ADRM1: variants seen among roughly 807,000 people sequenced by gnomAD.
ADRM1 encodes proteasomal ubiquitin receptor ADRM1.
In ADRM1, 2 loss-of-function variants were observed where a neutral mutation model predicts 40.1. The observed-to-expected ratio is 0.05, with a 90% CI of 0.02 to 0.16. The LOEUF is 0.16. ADRM1 is among the 10% of genes least tolerant of loss of function. The pLI is 1.00. For missense variants in ADRM1, 467 were observed against 552.5 expected, an observed-to-expected ratio of 0.85 and a Z score of 1.55; for synonymous variants, 287 against 240.4, an observed-to-expected ratio of 1.19 and a Z score of -1.79.
At chr20:62,303,908 C>G in intron 2 of ADRM1, 127 bp downstream of exon 2, 4 of 892,262 alleles carry the variant, frequency 4.5e-6, no homozygotes, top group Non-Finnish European at 6.8e-6. Context: ...ATCGACTGCC[C>G]TGCTGATGGG....
At chr20:62,303,268 G>A in intron 1 of ADRM1, 1 of 243,074 alleles carries the variant, frequency 4.1e-6, no homozygotes, top group Non-Finnish European at 7.9e-6. Flanking sequence ...GCTCGGGCGG[G>A]TCTGCCCCGC....
At chr20:62,303,505 G>A in intron 1 of ADRM1, 63 bp from the exon 2 acceptor site, 1 of 1,502,744 alleles carries the variant, frequency 6.7e-7, no homozygotes, top group Non-Finnish European at 8.9e-7. Context: ...CCAGGGGGCG[G>A]GAGCTTGCCG....
In ADRM1 at chr20:62,307,950, C is replaced by A. The variant is rs894993201; in HGVS notation, c.857-71C>A. The A allele has an allele frequency of 4.2e-5, 66 of 1,565,012 alleles. No homozygotes were observed. The Middle Eastern group carries it at 5.1e-4, about 12-fold the overall frequency. ...GGGGTGCTGGGGCCATGGGCTGAGTCCCTGCTTGCATGCCTTCCATGTGGG... is the reference window on the plus strand; with the variant it reads ...GGGGTGCTGGGGCCATGGGCTGAGTACCTGCTTGCATGCCTTCCATGTGGG... On this transcript the variant is annotated intron_variant, in intron 7 of 9. Coordinates refer to ENST00000253003, the MANE Select transcript of ADRM1 (RefSeq NM_007002.4).
At chr20:62,308,232 G>GGGA in intron 8 of ADRM1, 54 bp downstream of exon 8, 7 of 1,559,902 alleles carry the variant, frequency 4.5e-6, no homozygotes, top group South Asian at 2.3e-5. Context: ...GTGGGCAGGG[G>GGGA]GGAGGAGGAG....
At chr20:62,307,148 A>G (rs1405517312) in intron 5 of ADRM1, among the ~76,000 whole-genome samples, 1 of 152,218 alleles carries the variant, frequency 6.6e-6, no homozygotes, top group East Asian at 1.9e-4. Flanking sequence ...ATCTAAGCAC[A>G]TGAATTGTGT....
Position 62,308,384 on chromosome 20 carries a change from G to A in ADRM1, c.1031G>A (p.Ser344Asn). The change falls in exon 9 of 10, where the codon AGC becomes AAC. Residue 344 changes from serine (S) to asparagine (N), a missense_variant. Physicochemically the swap from Ser to Asn is conservative, Grantham distance 46. This residue lies in a region of ADRM1 where 418 missense variants were observed against 474.6 expected (regional missense o/e 0.88). Transcript: ENST00000253003. ...PQFQQALGMF[S>N]AALASGQLGP... ...TTCTTGCAGGCCCTGGGCATGTTCA[G>A]CGCAGCCTTGGCCTCGGGGCAGCTG... 1 of 1,605,662 alleles carries A rather than the reference G, an allele frequency of 6.2e-7. No homozygotes were observed. Among genetic ancestry groups the A allele is most frequent in the Non-Finnish European group, 8.5e-7 (1 of 1,177,784 alleles).
chr20:62,304,329 G>GC, intron 2 of ADRM1, 132 bp from the exon 3 acceptor site: 1 of 689,946 alleles, frequency 1.4e-6, no homozygotes, highest in Non-Finnish European at 2.5e-6. Flanking sequence ...GACCCTGCCA[G>GC]CGAGGGGTCT....
At chr20:62,307,547 C>CAGGGCACA in intron 6 of ADRM1, 49 bp from the exon 7 acceptor site, 1 of 1,600,806 alleles carries the variant, frequency 6.2e-7, no homozygotes, top group Non-Finnish European at 8.5e-7. Flanking sequence ...GCGAGTAGGC[C>CAGGGCACA]CTGCCGTGTG....
chr20:62,303,885 T>C, intron 2 of ADRM1, 104 bp downstream of exon 2: 1 of 1,169,284 alleles, frequency 8.6e-7, no homozygotes, highest in South Asian at 1.4e-5. Flanking sequence ...TGGGGACCGC[T>C]CGTGGGGCCG....
At chr20:62,302,923 G>C, upstream of ADRM1, 1 of 152,218 alleles carries the variant, frequency 6.6e-6, no homozygotes, top group East Asian at 1.9e-4. Flanking sequence ...GGCTTACGGG[G>C]CTCAATCGGC....
rs544697220 is a variant in ADRM1, at chr20:62,307,591, C to T, written c.624-5C>T. The T allele has an allele frequency of 1.4e-5, 23 of 1,609,036 alleles. No homozygotes were observed. Among genetic ancestry groups the T allele is most frequent in the Middle Eastern group, 3.3e-4 (2 of 6,076 alleles). On this transcript the variant is annotated splice_region_variant and splice_polypyrimidine_tract_variant and intron_variant, in intron 6 of 9. Transcript: ENST00000253003. ...CCGCTCCAGCGGTGCCCTCTCTCTT[C>T]GCAGCTCCCGGAGCCAGTCGGCAGC...
In ADRM1 at chr20:62,307,467, T is replaced by C; in HGVS notation, c.623+15T>C. ...TCCTCCTCCAGGTGAGCCTCATCGC[T>C]CCTGCCACGCAGGTGCCACGGTGTT... is the stretch of plus-strand genomic sequence containing the variant. On this transcript the variant is annotated intron_variant, in intron 6 of 9. Transcript: ENST00000253003. 1 of 1,607,324 alleles carries C rather than the reference T, an allele frequency of 6.2e-7. No individual in the cohort carries two copies. Among genetic ancestry groups the C allele is most frequent in the Non-Finnish European group, 8.5e-7 (1 of 1,179,396 alleles).
chr20:62,308,568 A>G (rs1985526692), intron 9 of ADRM1, 87 bp from the exon 10 acceptor site: 1 of 1,565,556 alleles, frequency 6.4e-7, no homozygotes, highest in Non-Finnish European at 8.7e-7. Context: ...GGTAAAGGTC[A>G]CAGCCCTTCT....
At chr20:62,304,399 C>T (rs6062209) in intron 2 of ADRM1, 62 bp from the exon 3 acceptor site, 3 of 1,444,498 alleles carry the variant, frequency 2.1e-6, no homozygotes, top group Non-Finnish European at 9.7e-7. Context: ...AGTACGCTCT[C>T]CTGAGACTGG....
intron 2 of ADRM1, chr20:62,304,217 C>G: frequency 1.8e-6 from 1 of 540,896 alleles, no homozygotes; most frequent in South Asian, 2.1e-5. Context: ...TCCAGCACGT[C>G]TCAGAAACCC....
At chr20:62,307,089 C>T (rs577905010) in intron 5 of ADRM1, among the ~76,000 whole-genome samples, 5 of 152,248 alleles carry the variant, frequency 3.3e-5, no homozygotes, top group Admixed American at 3.3e-4. Context: ...TGTGCTTGGC[C>T]CTTCAGAAAT....
intron 5 of ADRM1, 27 bp downstream of exon 5, chr20:62,306,761 G>T (rs761258939): frequency 1.9e-6 from 3 of 1,572,452 alleles, no homozygotes; most frequent in Non-Finnish European, 1.7e-6. Flanking sequence ...GGGCTCTCGG[G>T]CAGCTTCTGC....
chr20:62,307,263 T>C, intron 5 of ADRM1, 108 bp from the exon 6 acceptor site: 1 of 1,143,368 alleles, frequency 8.7e-7, no homozygotes, highest in African/African-American at 1.6e-5. Context: ...CCCCGCTTCT[T>C]CCTGGCTTTG....
chr20:62,306,842 A>C, intron 5 of ADRM1, 108 bp downstream of exon 5: 1 of 1,102,860 alleles, frequency 9.1e-7, no homozygotes, highest in Non-Finnish European at 1.3e-6. Flanking sequence ...AGTGTCGGGG[A>C]GCCTGTGTGT....
Sources: gnomAD v4.1 joint callset for allele counts (sites outside exome capture counted in the v4.1 genomes callset) on GRCh38, gnomAD v4.1.1 for gene constraint, gnomAD v4.1.1 regional missense constraint, MANE v1.5 for transcripts, NCBI Gene and HGNC (gene_info 2026-07-23, HGNC 2026-07-21) for gene names.